Variants in ABCA12 observed in about 807,000 individuals in gnomAD.
ABCA12 encodes ATP binding cassette subfamily A member 12, also known as glucosylceramide transporter ABCA12.
A neutral mutation model predicts 293.5 loss-of-function variants in ABCA12; 156 were observed. That is an observed-to-expected ratio of 0.53 (90% confidence interval 0.47 to 0.61). The LOEUF is 0.61. ABCA12 is among the 20% of genes least tolerant of loss of function. The pLI, the probability that ABCA12 is intolerant of heterozygous loss-of-function variation, is 0.00. For synonymous variants in ABCA12, 1,063 were observed against 1,108.0 expected, an observed-to-expected ratio of 0.96 and a Z score of 0.81; for missense variants, 2,797 against 3,090.2, an observed-to-expected ratio of 0.91 and a Z score of 2.25.
Position 214,983,691 on chromosome 2 carries a change from T to C in ABCA12, c.4338A>G (p.Lys1446=). The change falls in exon 29 of 53, where the codon AAA becomes AAG. Residue 1446 remains lysine (K), a synonymous_variant. Transcript: ENST00000272895. The stretch of plus-strand genomic sequence containing the variant: ...GCTGCTTTTTAGTCCAGTGAGGAAC[T>C]TTGATGGAACCATATAGGAGAAGGT... ...KEHLLLYGSI[K]VPHWTKKQLH... is the part of the protein sequence containing the mutation. The C allele has an allele frequency of 6.2e-7, 1 of 1,614,098 alleles. No individual in the cohort carries two copies. The highest frequency in any genetic ancestry group is 8.5e-7 in the Non-Finnish European group (1 of 1,180,010).
intron 6 of ABCA12, among the ~76,000 whole-genome samples, chr2:215,048,229 T>C (rs896325370): frequency 6.6e-6 from 1 of 152,040 alleles, no homozygotes; most frequent in Non-Finnish European, 1.5e-5. Context: ...GAGTATAAAT[T>C]AGTTTAAACA....
chr2:214,959,468 C>T (rs1469282144), intron 39 of ABCA12, among the ~76,000 whole-genome samples: 1 of 152,062 alleles, frequency 6.6e-6, no homozygotes, highest in Non-Finnish European at 1.5e-5. Flanking sequence ...CAATTCAAAG[C>T]AGGACCAATT....
intron 17 of ABCA12, 79 bp from the exon 18 acceptor site, chr2:215,010,549 A>T: frequency 6.7e-7 from 1 of 1,498,562 alleles, no homozygotes; most frequent in Admixed American, 1.8e-5. Context: ...GACAGAGATT[A>T]TTCTTATCAC....
In ABCA12 at chr2:214,958,550, A is replaced by G; in HGVS notation, c.5940-96T>C. On this transcript the variant is annotated intron_variant, in intron 40 of 52. Coordinates refer to ENST00000272895, the MANE Select transcript of ABCA12 (RefSeq NM_173076.3). ...TAACTAAAACCATCAAGAAAACAGTACAAGAGTTGGCTGTGACACAAATAA... is the reference window on the plus strand; with the variant it reads ...TAACTAAAACCATCAAGAAAACAGTGCAAGAGTTGGCTGTGACACAAATAA... 1.8e-5 allele frequency: 25 copies of G among 1,352,548 alleles called. No individual in the cohort carries two copies. In the South Asian group the frequency reaches 3.1e-4, roughly 17 times the overall value. The allele number at this position is 1,352,548 out of a possible 1,614,324, so 83.8% of individuals were successfully genotyped here.
intron 2 of ABCA12, among the ~76,000 whole-genome samples, chr2:215,092,110 C>T (rs12476525): frequency 0.11 from 16,839 of 152,074 alleles, 1,266 homozygotes; most frequent in East Asian, 0.42. Context: ...CCATCACAGA[C>T]GTTTTTGGTA....
intron 11 of ABCA12, chr2:215,023,011 G>A (rs1700662995): frequency 6.6e-6 from 1 of 152,206 alleles, no homozygotes; most frequent in Non-Finnish European, 1.5e-5. Context: ...AAGAAGAGCA[G>A]AATGTTCCGG....
chr2:215,022,724 G>C (rs533702977), intron 11 of ABCA12: 1 of 152,066 alleles, frequency 6.6e-6, no homozygotes, highest in East Asian at 1.9e-4. Flanking sequence ...AATCAGAATC[G>C]TAAGTGACAT....
intron 39 of ABCA12, among the ~76,000 whole-genome samples, chr2:214,964,796 T>C (rs1432057745): frequency 1.3e-5 from 2 of 151,750 alleles, no homozygotes; most frequent in African/African-American, 4.8e-5. Context: ...AAAATGGCCA[T>C]ACTGCCCAAA....
chr2:214,978,225 G>A, intron 33 of ABCA12, 91 bp downstream of exon 33: 1 of 1,473,180 alleles, frequency 6.8e-7, no homozygotes, highest in Non-Finnish European at 9.4e-7. Context: ...AAACTTTAGA[G>A]TTGAATTTTT....
At chr2:215,000,255 G>A (rs779323524) in intron 22 of ABCA12, among the ~76,000 whole-genome samples, 3 of 152,282 alleles carry the variant, frequency 2.0e-5, no homozygotes, top group African/African-American at 7.2e-5. Context: ...TGTGTTCAAG[G>A]TTTCTTTTAT....
chr2:215,027,249 GGCAA>G (rs1700769290), intron 9 of ABCA12, among the ~76,000 whole-genome samples: 2 of 152,262 alleles, frequency 1.3e-5, no homozygotes, highest in Admixed American at 6.5e-5. Context: ...TGGAGGCTGA[GGCAA>G]GAGAATGGTG....
At chr2:215,006,413 G>A (rs1004588731) in intron 19 of ABCA12, among the ~76,000 whole-genome samples, 5 of 152,086 alleles carry the variant, frequency 3.3e-5, no homozygotes, top group Admixed American at 2.6e-4. Context: ...AAATTGTGGG[G>A]AAGACATTTG....
At position 214,941,756 on chromosome 2, in the gene ABCA12, T is replaced by A. The variant is rs1215976558; in HGVS notation, c.7436+1169A>T. The stretch of plus-strand genomic sequence containing the variant: ...GTTGGTTTAAAGTCTGTTTGTTTTA[T>A]CAGAGACTAGGATTGCAACCCCTGC... On this transcript the variant is annotated intron_variant, in intron 50 of 52. Transcript: ENST00000272895. Among the ~76,000 whole-genome samples, 6 of 151,484 alleles carry A rather than the reference T, an allele frequency of 4.0e-5. No homozygotes were observed. In the Admixed American group the frequency reaches 4.0e-4, roughly 10 times the overall value.
At chr2:214,977,338 T>A (rs1022250528) in intron 33 of ABCA12, among the ~76,000 whole-genome samples, 1 of 152,076 alleles carries the variant, frequency 6.6e-6, no homozygotes, top group African/African-American at 2.4e-5. Flanking sequence ...ATAAAAGTCC[T>A]CAATGCCATG....
At chr2:215,010,270 G>A in intron 18 of ABCA12, 61 bp downstream of exon 18, 1 of 1,587,432 alleles carries the variant, frequency 6.3e-7, no homozygotes, top group African/African-American at 1.3e-5. Context: ...AAATTTGGAA[G>A]TTGACTACTT....
rs560970153 is a variant in ABCA12, at chr2:215,112,386, G to GGTA, written c.70-699_70-697dup. 4.3e-4 allele frequency among the ~76,000 whole-genome samples: 61 copies of GGTA among 141,930 alleles called. 1 individual carries two copies. In the Middle Eastern group the frequency reaches 0.016, roughly 38 times the overall value. The allele number at this position is 141,930 out of a possible 152,430, so 93.1% of individuals were successfully genotyped here. On this transcript the variant is annotated intron_variant, in intron 1 of 52. Transcript: ENST00000272895. ...CCAAATAAACTGGACGTTCATTTAT[G>GGTA]GTAGGGGCAGTGTCTTATTGATACC... is the stretch of plus-strand genomic sequence containing the variant.
At chr2:215,107,702 G>A (rs967819865) in intron 2 of ABCA12, among the ~76,000 whole-genome samples, 9 of 152,154 alleles carry the variant, frequency 5.9e-5, no homozygotes, top group South Asian at 2.1e-4. Context: ...AATCCTTTAC[G>A]TCACTAATTA....
intron 28 of ABCA12, among the ~76,000 whole-genome samples, chr2:214,985,132 C>T (rs150143970): frequency 7.2e-4 from 109 of 152,274 alleles, no homozygotes; most frequent in African/African-American, 2.4e-3. Context: ...ATACAAATAA[C>T]ATACTTTATA....
chr2:215,111,751 C>A, intron 1 of ABCA12, 61 bp from the exon 2 acceptor site: 1 of 1,231,348 alleles, frequency 8.1e-7, no homozygotes, highest in Non-Finnish European at 1.2e-6. Flanking sequence ...TTTTTAAAAC[C>A]TGACTACAAA....
Sources: gnomAD v4.1 joint callset for allele counts (sites outside exome capture counted in the v4.1 genomes callset) on GRCh38, gnomAD v4.1.1 for gene constraint, MANE v1.5 for transcripts, NCBI Gene and HGNC (gene_info 2026-07-23, HGNC 2026-07-21) for gene names.